The following GET4 variants were observed in gnomAD, a reference collection of about 807,000 sequenced individuals.
GET4 encodes Golgi to ER traffic protein 4 homolog.
Under a neutral mutation model 40.0 loss-of-function variants are expected in GET4, and 20 were observed. That is an observed-to-expected ratio of 0.50 (90% CI 0.35 to 0.73). The LOEUF is 0.73. Among genes scored for constraint, GET4 ranks in the 30% least tolerant of loss-of-function variants. The pLI is 0.01. For missense variants in GET4, 557 were observed against 454.0 expected, an observed-to-expected ratio of 1.23 and a Z score of -2.06; for synonymous variants, 280 against 194.6, an observed-to-expected ratio of 1.44 and a Z score of -3.65.
rs781379713 is a variant in GET4, at chr7:890,913, G to A, written c.467-15G>A. ...TCGTGAAATGTATTTACATTTTTCT[G>A]TCTTTCCTTTGCAGAACAAAACTAT... On this transcript the variant is annotated splice_polypyrimidine_tract_variant and intron_variant, in intron 4 of 8. Transcript: ENST00000265857. 6.3e-7 allele frequency: 1 copy of A among 1,580,712 alleles called. No individual in the cohort carries two copies. The highest frequency in any genetic ancestry group is 1.1e-5 in the South Asian group (1 of 90,336).
chr7:886,220 G>A (rs1191424076), intron 2 of GET4, 86 bp downstream of exon 2: 2 of 866,626 alleles, frequency 2.3e-6, no homozygotes, highest in Non-Finnish European at 2.0e-6. Context: ...CCACTGATGG[G>A]CAACCTTGCG....
At chr7:884,335 A>T in intron 1 of GET4, 2 of 1,303,916 alleles carry the variant, frequency 1.5e-6, no homozygotes, top group Admixed American at 2.3e-5. Flanking sequence ...GCAGGACTGG[A>T]ACTAGGACGG....
At chr7:886,694 C>G in intron 3 of GET4, 44 bp downstream of exon 3, 2 of 1,222,058 alleles carry the variant, frequency 1.6e-6, no homozygotes, top group Non-Finnish European at 2.4e-6. Flanking sequence ...GACAGCGGCC[C>G]CAGTACGCCC....
rs563638738 is a variant in GET4 at position 890,947 on chromosome 7, G to A, written c.486G>A (p.Ser162=). 1.6e-5 allele frequency: 25 copies of A among 1,606,884 alleles called. No homozygotes were observed. The highest frequency in any genetic ancestry group is 1.5e-4 in the South Asian group (14 of 90,948). Residue 162 remains serine, a synonymous_variant, in exon 5 of 9, where the codon TCG becomes TCA. Transcript: ENST00000265857. ...TTGCAGAACAAAACTATTGTGAGTC[G>A]AGGTATCATTTTCTGCACTCAGCGG... ...TLWKEQNYCE[S]RYHFLHSADG...
chr7:895,530 G>A lies in GET4; in HGVS notation c.*108G>A. On this transcript the variant is annotated 3_prime_UTR_variant, in exon 9 of 9. Coordinates refer to ENST00000265857, the MANE Select transcript of GET4 (RefSeq NM_015949.3). ...TTGGGGGCTCCTGGCCCTGAGGCTG[G>A]CGGTGGCCGCATGCCGGCGCGTGTC... The A allele has an allele frequency of 3.5e-6, 2 of 575,068 alleles. No individual in the cohort carries two copies. Among genetic ancestry groups the A allele is most frequent in the Non-Finnish European group, 6.3e-6 (2 of 318,432 alleles). The allele number at this position is 575,068 out of a possible 1,614,324, so 35.6% of individuals were successfully genotyped here. A position where few individuals can be genotyped will look rare whatever the true frequency, so the allele number is the denominator to read the frequency against.
rs2128629990 is a variant in GET4 at position 893,910 on chromosome 7, C to T, written c.834C>T (p.Arg278=). 1.2e-6 allele frequency: 2 copies of T among 1,611,358 alleles called. No homozygotes were observed. The highest frequency in any genetic ancestry group is 1.1e-5 in the South Asian group (1 of 90,976). Residue 278 remains arginine (R), a synonymous_variant, in exon 8 of 9, where the codon CGC becomes CGT. Transcript: ENST00000265857. ...RDPMYNEYLD[R]IGQLFFGVPP... ...CCTGTGCCTTGCAGTACCTCGACCG[C>T]ATAGGACAGCTGTTCTTCGGCGTCC...
chr7:887,255 C>T (rs1001216461), intron 3 of GET4, 115 bp from the exon 4 acceptor site: 32 of 1,055,824 alleles, frequency 3.0e-5, no homozygotes, highest in East Asian at 4.8e-5. Context: ...GGACGCCCAG[C>T]AGGTTCCTCT....
At chr7:890,623 A>G (rs968591345) in intron 4 of GET4, among the ~76,000 whole-genome samples, 1 of 152,130 alleles carries the variant, frequency 6.6e-6, no homozygotes, top group African/African-American at 2.4e-5. Flanking sequence ...GAAGGGTCAC[A>G]TGGTAACACT....
At chr7:881,173 A>G (rs1046218070) in intron 1 of GET4, 1 of 152,172 alleles carries the variant, frequency 6.6e-6, no homozygotes, top group Non-Finnish European at 1.5e-5. Context: ...CCATTTTTTA[A>G]AATGCTTTTA....
chr7:879,150 T>C lies in GET4; in HGVS notation c.155+2350T>C, dbSNP rs543802068. On this transcript the variant is annotated intron_variant, in intron 1 of 8. Transcript: ENST00000265857. ...TTCTTTCCATAGCAAGTGGAATTGT[T>C]ACCTGGAAAACTCTGGAGGTGCCAC... is the stretch of plus-strand genomic sequence containing the variant. Among the ~76,000 whole-genome samples, 4 of 152,374 alleles carry C rather than the reference T, an allele frequency of 2.6e-5. 1 individual carries two copies. The highest frequency in any genetic ancestry group is 4.8e-5 in the African/African-American group (2 of 41,598).
rs573365991 is a variant in GET4 at position 894,737 on chromosome 7, C to G, written c.896-597C>G. ...ACGTCGTGGATAAGAGAGGGTGACACTGCCACGGCCGTGTCTTTGTATTCA... is the reference window on the plus strand; with the variant it reads ...ACGTCGTGGATAAGAGAGGGTGACAGTGCCACGGCCGTGTCTTTGTATTCA... On this transcript the variant is annotated intron_variant, in intron 8 of 8. Coordinates refer to ENST00000265857, the MANE Select transcript of GET4 (RefSeq NM_015949.3). Among the ~76,000 whole-genome samples, 73 of 152,366 alleles carry G rather than the reference C, an allele frequency of 4.8e-4. 2 individuals are homozygous for G. Among genetic ancestry groups the G allele is most frequent in the African/African-American group, 1.7e-3 (71 of 41,584 alleles).
Position 895,443 on chromosome 7 carries a change from A to T in GET4, c.*21A>T. 2.2e-6 allele frequency: 3 copies of T among 1,349,808 alleles called. No individual in the cohort carries two copies. The highest frequency in any genetic ancestry group is 3.2e-6 in the Non-Finnish European group (3 of 948,426). 83.6% of individuals were successfully genotyped at this position (1,349,808 alleles called of 1,614,324 possible). On this transcript the variant is annotated 3_prime_UTR_variant, in exon 9 of 9. Transcript: ENST00000265857. ...ACTGAACTGGCCAGGCCACGTGGAGACACCACGGTCGACGACGGCTGGAGG... is the reference window on the plus strand; with the variant it reads ...ACTGAACTGGCCAGGCCACGTGGAGTCACCACGGTCGACGACGGCTGGAGG...
At chr7:885,794 A>T in intron 1 of GET4, 1 of 483,644 alleles carries the variant, frequency 2.1e-6, no homozygotes, top group South Asian at 2.4e-5. Flanking sequence ...GAGCTGCTCC[A>T]GGGTGAGGCT....
chr7:893,603 C>CAGT (rs1554268646), intron 6 of GET4, 137 bp from the exon 7 acceptor site: 27 of 609,806 alleles, frequency 4.4e-5, no homozygotes, highest in South Asian at 3.5e-4. Context: ...GGCATGGGCG[C>CAGT]GGTGTGTGCA....
At chr7:877,208 T>G (rs1472990502) in intron 1 of GET4, among the ~76,000 whole-genome samples, 13 of 142,186 alleles carry the variant, frequency 9.1e-5, no homozygotes, top group South Asian at 2.3e-4. Context: ...TCTCGCTCTC[T>G]CTCTCTCTCT....
intron 1 of GET4, chr7:883,926 C>T (rs1844133666): frequency 1.9e-6 from 2 of 1,067,078 alleles, no homozygotes; most frequent in African/African-American, 1.7e-5. Context: ...CAGAATTCTC[C>T]TCCCGTCCTT....
intron 1 of GET4, chr7:881,455 C>A (rs531672347): frequency 1.3e-5 from 2 of 152,068 alleles, no homozygotes; most frequent in African/African-American, 4.8e-5. Context: ...TCTGTCTAAC[C>A]GCTTGAATTC....
chr7:893,850 C>T (rs552786006), intron 7 of GET4, 35 bp downstream of exon 7: 12 of 1,607,864 alleles, frequency 7.5e-6, no homozygotes, highest in East Asian at 4.5e-5. Flanking sequence ...AGGAGGGGAC[C>T]CCACGGTCTG....
chr7:887,944 GTGTGGTTGGT>G (rs1238082385), intron 4 of GET4, among the ~76,000 whole-genome samples: 75 of 152,252 alleles, frequency 4.9e-4, no homozygotes, highest in Non-Finnish European at 7.9e-4. Context: ...TGTCTGCGTG[GTGTGGTTGGT>G]GTTTTTAGTT....
Sources: gnomAD v4.1 joint callset for allele counts (sites outside exome capture counted in the v4.1 genomes callset) on GRCh38, gnomAD v4.1.1 for gene constraint, MANE v1.5 for transcripts, NCBI Gene and HGNC (gene_info 2026-07-23, HGNC 2026-07-21) for gene names.